Variants in TAS1R1 observed in about 807,000 individuals in gnomAD.
TAS1R1 encodes taste 1 receptor member 1.
A neutral mutation model predicts 45.8 loss-of-function variants in TAS1R1; 31 were observed. The ratio of observed to expected loss-of-function variants is 0.68; its 90% CI spans 0.51 to 0.91. The LOEUF (loss-of-function observed/expected upper bound fraction) is 0.91. Among genes scored for constraint, TAS1R1 ranks in the 40% least tolerant of loss-of-function variants. TAS1R1 has a pLI of 0.00. For synonymous variants in TAS1R1, 437 were observed against 448.4 expected, an observed-to-expected ratio of 0.97 and a Z score of 0.32; for missense variants, 1,051 against 1,063.9, an observed-to-expected ratio of 0.99 and a Z score of 0.17.
chr1:6,559,591 G>A (rs1434732909), intron 1 of TAS1R1, among the ~76,000 whole-genome samples: 7 of 151,594 alleles, frequency 4.6e-5, no homozygotes, highest in African/African-American at 1.7e-4. Flanking sequence ...CCTTGGAGGT[G>A]GAGGTTGCAG....
chr1:6,556,031 C>G (rs1186530897), intron 1 of TAS1R1, among the ~76,000 whole-genome samples: 1 of 152,118 alleles, frequency 6.6e-6, no homozygotes, highest in African/African-American at 2.4e-5. Context: ...GCCACTGCGC[C>G]CAGCTAATGT....
At chr1:6,573,898 C>T (rs1219314601) in intron 2 of TAS1R1, among the ~76,000 whole-genome samples, 2 of 152,160 alleles carry the variant, frequency 1.3e-5, no homozygotes, top group South Asian at 4.1e-4. Flanking sequence ...CTCCTAACCT[C>T]GTGATCCACC....
In TAS1R1 at chr1:6,575,051, A is replaced by C. The variant is rs746150689; in HGVS notation, c.919A>C (p.Arg307=). ...CGCCTCAGAAGCCTGGGCCCTCTCC[A>C]GGCACATCACTGGGGTGCCCGGGAT... is the stretch of plus-strand genomic sequence containing the variant. ...WVASEAWALS[R]HITGVPGIQR... The change falls in exon 3 of 6, where the codon AGG becomes CGG. Residue 307 remains arginine, a synonymous_variant. Transcript: ENST00000333172. 26 of 1,587,426 alleles carry C rather than the reference A, an allele frequency of 1.6e-5. No individual in the cohort carries two copies. In the African/African-American group the frequency reaches 3.2e-4, roughly 20 times the overall value.
chr1:6,573,754 C>T (rs1640082421), intron 2 of TAS1R1, among the ~76,000 whole-genome samples: 1 of 151,878 alleles, frequency 6.6e-6, no homozygotes, highest in Non-Finnish European at 1.5e-5. Flanking sequence ...GCTCCGCCTC[C>T]CGGGTTCACG....
In TAS1R1 at chr1:6,574,945, GGTT is replaced by G. The variant is rs772403290; in HGVS notation, c.817_819del (p.Val273del). On this transcript the variant is annotated inframe_deletion, in exon 3 of 6. Coordinates refer to ENST00000333172, the MANE Select transcript of TAS1R1 (RefSeq NM_138697.4). The surrounding 1 kb of genome is among the most constrained non-coding windows in gnomAD (Gnocchi z 4.3). ...TGGCCCAGGCCGGGGCCACCGTCGT[GGTT>G]GTTTTTTCCAGCCGGCAGTTGGCCA... 1 of 1,610,284 alleles carries G rather than the reference GGTT, an allele frequency of 6.2e-7. No individual in the cohort carries two copies. The highest frequency in any genetic ancestry group is 8.5e-7 in the Non-Finnish European group (1 of 1,177,054).
Position 6,579,674 on chromosome 1 carries a change from A to C in TAS1R1, c.*90A>C. ...GGGGGTGTCCGGGAGGTCTTTGGGC[A>C]TCGCGGTCTGGGGTTGGGACGTGTA... is the stretch of plus-strand genomic sequence containing the variant. On this transcript the variant is annotated 3_prime_UTR_variant, in exon 6 of 6. Transcript: ENST00000333172. The C allele has an allele frequency of 6.7e-7, 1 of 1,493,686 alleles. No homozygotes were observed. Among genetic ancestry groups the C allele is most frequent in the Non-Finnish European group, 8.9e-7 (1 of 1,128,622 alleles). 92.5% of individuals were successfully genotyped at this position (1,493,686 alleles called of 1,614,324 possible). A position where few individuals can be genotyped will look rare whatever the true frequency, so the allele number is the denominator to read the frequency against.
chr1:6,567,421 G>T (rs1042936485), intron 1 of TAS1R1, among the ~76,000 whole-genome samples: 1 of 152,116 alleles, frequency 6.6e-6, no homozygotes, highest in East Asian at 1.9e-4. Context: ...TTAGCCAGGC[G>T]TGGTGGTGTG....
intron 1 of TAS1R1, among the ~76,000 whole-genome samples, chr1:6,566,118 T>C (rs1389710225): frequency 6.6e-6 from 1 of 152,120 alleles, no homozygotes; most frequent in Non-Finnish European, 1.5e-5. Context: ...CATCCACATA[T>C]TGAAGAAGAC....
chr1:6,571,011 G>A lies in TAS1R1; in HGVS notation c.294G>A (p.Leu98=). Residue 98 remains leucine, a synonymous_variant, in exon 2 of 6, where the codon CTG becomes CTA. Transcript: ENST00000333172. ...NSTALLPNIT[L]GYQLYDVCSD... ...CGGCCCTGCTGCCCAACATCACCCTGGGGTACCAGCTGTATGATGTGTGTT... is the reference window on the plus strand; with the variant it reads ...CGGCCCTGCTGCCCAACATCACCCTAGGGTACCAGCTGTATGATGTGTGTT... 1 of 1,614,104 alleles carries A rather than the reference G, an allele frequency of 6.2e-7. No homozygotes were observed. The highest frequency in any genetic ancestry group is 8.5e-7 in the Non-Finnish European group (1 of 1,180,012).
In TAS1R1 at chr1:6,576,646, C is replaced by T; in HGVS notation, c.1473+19C>T. 1 of 1,609,932 alleles carries T rather than the reference C, an allele frequency of 6.2e-7. No individual in the cohort carries two copies. Among genetic ancestry groups the T allele is most frequent in the Non-Finnish European group, 8.5e-7 (1 of 1,177,350 alleles). On this transcript the variant is annotated intron_variant, in intron 4 of 5. Transcript: ENST00000333172. ...CAACCAGGTAATGGGGATGTGGCTA[C>T]TCACCATGTAACTGGCTTATGGGCA...
chr1:6,559,964 T>A (rs1639753645), intron 1 of TAS1R1, among the ~76,000 whole-genome samples: 1 of 136,244 alleles, frequency 7.3e-6, no homozygotes, highest in Non-Finnish European at 1.5e-5. Flanking sequence ...CACTCCAGCC[T>A]GGACAACAAG....
intron 1 of TAS1R1, among the ~76,000 whole-genome samples, chr1:6,562,192 G>A (rs181273791): frequency 7.2e-5 from 11 of 152,272 alleles, no homozygotes; most frequent in East Asian, 5.8e-4. Context: ...TTTTTGAGAC[G>A]GAGTCTCACT....
chr1:6,577,784 C>T (rs1006142671), intron 5 of TAS1R1, among the ~76,000 whole-genome samples: 39 of 152,024 alleles, frequency 2.6e-4, no homozygotes, highest in African/African-American at 8.2e-4. Context: ...GCCAAGATTG[C>T]ACCATTGCAC....
chr1:6,575,539 G>A (rs1389495560), intron 3 of TAS1R1, 147 bp downstream of exon 3: 3 of 1,000,130 alleles, frequency 3.0e-6, no homozygotes, highest in African/African-American at 1.6e-5. Flanking sequence ...TTTGTTTTTT[G>A]AGACAGTCTG....
rs1640334182 is a variant in TAS1R1 at position 6,579,668 on chromosome 1, T to G, written c.*84T>G. The G allele has an allele frequency of 2.0e-6, 3 of 1,503,326 alleles. No individual in the cohort carries two copies. The East Asian group carries it at 6.9e-5, about 34-fold the overall frequency. 93.1% of individuals were successfully genotyped at this position (1,503,326 alleles called of 1,614,324 possible). ...CAGGCCGGGGGTGTCCGGGAGGTCTTTGGGCATCGCGGTCTGGGGTTGGGA... is the reference window on the plus strand; with the variant it reads ...CAGGCCGGGGGTGTCCGGGAGGTCTGTGGGCATCGCGGTCTGGGGTTGGGA... On this transcript the variant is annotated 3_prime_UTR_variant, in exon 6 of 6. Coordinates refer to ENST00000333172, the MANE Select transcript of TAS1R1 (RefSeq NM_138697.4).
intron 1 of TAS1R1, among the ~76,000 whole-genome samples, chr1:6,570,028 A>G (rs1007157782): frequency 9.4e-5 from 14 of 149,114 alleles, no homozygotes; most frequent in South Asian, 2.1e-4. Flanking sequence ...GGAGGGGGAG[A>G]GAGAGAGAGA....
chr1:6,560,296 T>C (rs1177927370), intron 1 of TAS1R1, among the ~76,000 whole-genome samples: 1 of 152,180 alleles, frequency 6.6e-6, no homozygotes, highest in Non-Finnish European at 1.5e-5. Flanking sequence ...AAACTCCATC[T>C]TGTAAGGTTA....
In TAS1R1 at chr1:6,561,365, C is replaced by T. The variant is rs577359071; in HGVS notation, c.191+5801C>T. On this transcript the variant is annotated intron_variant, in intron 1 of 5. Transcript: ENST00000333172. ...AAGAAGATGCGCAGTCCACCTTTTT[C>T]GGCAGTGAGGAGATCTAAACCTCAA... 5.3e-5 allele frequency among the ~76,000 whole-genome samples: 8 copies of T among 152,228 alleles called. No homozygotes were observed. In the East Asian group the frequency reaches 1.2e-3, roughly 22 times the overall value.
chr1:6,575,976 G>T (rs904613211), intron 3 of TAS1R1, among the ~76,000 whole-genome samples: 1 of 151,756 alleles, frequency 6.6e-6, no homozygotes, highest in African/African-American at 2.4e-5. Context: ...TTACAGGCGT[G>T]AGCCACCGCA....
Sources: allele counts gnomAD v4.1 joint callset (sites outside exome capture counted in the v4.1 genomes callset), GRCh38; gene constraint gnomAD v4.1.1; non-coding constraint Gnocchi (gnomAD v3.1); transcripts MANE v1.5; gene names NCBI Gene and HGNC (gene_info 2026-07-23, HGNC 2026-07-21).